The following CNGB3 variants were observed in gnomAD, a reference collection of about 807,000 sequenced individuals.
CNGB3 encodes cyclic nucleotide gated channel subunit beta 3.
CNGB3 carries 86 observed loss-of-function variants against 92.8 expected under a neutral mutation model. The ratio of observed to expected loss-of-function variants is 0.93; its 90% CI spans 0.78 to 1.11. CNGB3 has a LOEUF of 1.11. CNGB3 is among the 50% of genes least tolerant of loss of function. CNGB3 has a pLI of 0.00. For missense variants in CNGB3, 1,026 were observed against 956.8 expected (o/e 1.07, Z -0.95); for synonymous variants, 333 against 332.7 (o/e 1.00, Z -0.01).
intron 7 of CNGB3, among the ~76,000 whole-genome samples, chr8:86,648,936 T>C (rs1823345160): frequency 6.6e-6 from 1 of 151,406 alleles, no homozygotes; most frequent in Non-Finnish European, 1.5e-5. Context: ...CTAGATTTGA[T>C]AAACAAATTC....
intron 6 of CNGB3, chr8:86,661,815 A>C: frequency 1.9e-6 from 3 of 1,557,674 alleles, no homozygotes; most frequent in Non-Finnish European, 1.8e-6. Flanking sequence ...TTGCTGACGA[A>C]GGTAATTGTT....
intron 3 of CNGB3, among the ~76,000 whole-genome samples, chr8:86,688,815 C>T (rs1436275824): frequency 2.6e-5 from 4 of 151,142 alleles, no homozygotes; most frequent in Non-Finnish European, 4.4e-5. Flanking sequence ...TATTTCTGCT[C>T]TGACTATTTG....
intron 2 of CNGB3, among the ~76,000 whole-genome samples, chr8:86,738,796 A>C (rs1357908572): frequency 1.3e-5 from 2 of 148,794 alleles, no homozygotes; most frequent in Admixed American, 1.4e-4. Flanking sequence ...AGCCGAGATT[A>C]CGTCACTGCA....
chr8:86,626,817 G>A (rs1044096634), intron 12 of CNGB3, among the ~76,000 whole-genome samples: 8 of 151,868 alleles, frequency 5.3e-5, no homozygotes, highest in South Asian at 2.1e-4. Context: ...AAAATGTTCC[G>A]TAAACAAAAT....
intron 2 of CNGB3, among the ~76,000 whole-genome samples, chr8:86,727,124 G>A (rs1825073717): frequency 6.6e-6 from 1 of 152,092 alleles, no homozygotes; most frequent in Non-Finnish European, 1.5e-5. Flanking sequence ...TTTGAAATAT[G>A]TTATTATAAT....
rs542621734 is a variant in CNGB3 at position 86,591,066 on chromosome 8, C to A, written c.1782-11814G>T. The stretch of plus-strand genomic sequence containing the variant: ...TTTTATTCTTTTTTCTCTAAACTTT[C>A]CTTCTTGCTTCATTTCATTCATTTC... On this transcript the variant is annotated intron_variant, in intron 15 of 17. Coordinates refer to ENST00000320005, the MANE Select transcript of CNGB3 (RefSeq NM_019098.5). Among the ~76,000 whole-genome samples the A allele has an allele frequency of 7.2e-5, 11 of 152,108 alleles. No individual in the cohort carries two copies. The East Asian group carries it at 2.1e-3, about 29-fold the overall frequency.
At chr8:86,725,612 C>T (rs1238330021) in intron 3 of CNGB3, among the ~76,000 whole-genome samples, 2 of 151,970 alleles carry the variant, frequency 1.3e-5, no homozygotes, top group Non-Finnish European at 2.9e-5. Context: ...TTGTGTTTAT[C>T]GAAAAGGCAT....
At chr8:86,624,574 G>T (rs1822807232) in intron 13 of CNGB3, among the ~76,000 whole-genome samples, 1 of 152,058 alleles carries the variant, frequency 6.6e-6, no homozygotes, top group Non-Finnish European at 1.5e-5. Context: ...CTTCCTTGCA[G>T]TGTGTTTCCA....
intron 3 of CNGB3, among the ~76,000 whole-genome samples, chr8:86,684,495 G>A (rs903723506): frequency 1.3e-5 from 2 of 151,924 alleles, no homozygotes; most frequent in East Asian, 1.9e-4. Context: ...GTACTCCTGG[G>A]TATTTATCCT....
intron 4 of CNGB3, 141 bp downstream of exon 4, chr8:86,670,803 T>C: frequency 1.1e-6 from 1 of 939,144 alleles, no homozygotes; most frequent in Non-Finnish European, 1.7e-6. Flanking sequence ...ACTCGTACCT[T>C]CCTGGATTAC....
intron 13 of CNGB3, among the ~76,000 whole-genome samples, chr8:86,625,207 A>G (rs1380824638): frequency 6.6e-6 from 1 of 152,112 alleles, no homozygotes; most frequent in Non-Finnish European, 1.5e-5. Context: ...TCATGGCGTT[A>G]TCACCTCCAC....
At chr8:86,626,171 G>A (rs1040631239) in intron 12 of CNGB3, 91 bp from the exon 13 acceptor site, 21 of 915,324 alleles carry the variant, frequency 2.3e-5, no homozygotes, top group Non-Finnish European at 3.3e-5. Context: ...TAAAATAAAG[G>A]AAACAAAATG....
intron 3 of CNGB3, among the ~76,000 whole-genome samples, chr8:86,721,326 A>G (rs1283160073): frequency 6.6e-6 from 1 of 152,106 alleles, no homozygotes; most frequent in Non-Finnish European, 1.5e-5. Flanking sequence ...GAAAAACCAA[A>G]CATTGTACAT....
At chr8:86,696,330 A>G (rs1234216609) in intron 3 of CNGB3, among the ~76,000 whole-genome samples, 2 of 151,850 alleles carry the variant, frequency 1.3e-5, no homozygotes, top group Non-Finnish European at 2.9e-5. Flanking sequence ...TAGAAGGGGG[A>G]TATAATCTTG....
At chr8:86,695,689 T>A (rs904088402) in intron 3 of CNGB3, among the ~76,000 whole-genome samples, 1 of 152,196 alleles carries the variant, frequency 6.6e-6, no homozygotes, top group African/African-American at 2.4e-5. Flanking sequence ...TTGGTTTGGA[T>A]CCATTGCTGG....
At chr8:86,652,080 T>C (rs1165073668) in intron 7 of CNGB3, among the ~76,000 whole-genome samples, 2 of 151,968 alleles carry the variant, frequency 1.3e-5, no homozygotes, top group African/African-American at 4.8e-5. Flanking sequence ...CTCTGTATAT[T>C]ACAGTATATT....
intron 15 of CNGB3, among the ~76,000 whole-genome samples, chr8:86,596,643 C>T (rs544682523): frequency 5.3e-5 from 8 of 152,180 alleles, no homozygotes; most frequent in Non-Finnish European, 1.2e-4. Context: ...TAGAACAAAC[C>T]ACACATGGTG....
intron 12 of CNGB3, 84 bp downstream of exon 12, chr8:86,628,835 A>G: frequency 7.0e-7 from 1 of 1,436,124 alleles, no homozygotes; most frequent in Non-Finnish European, 9.8e-7. Flanking sequence ...TTTTGTTCAA[A>G]TCCAACTAGT....
chr8:86,601,306 T>C (rs1000830213), intron 15 of CNGB3, among the ~76,000 whole-genome samples: 1 of 152,134 alleles, frequency 6.6e-6, no homozygotes, highest in African/African-American at 2.4e-5. Flanking sequence ...AATGTACGTG[T>C]AAGGAAAATG....
Sources: gnomAD v4.1 joint callset for allele counts (sites outside exome capture counted in the v4.1 genomes callset) on GRCh38, gnomAD v4.1.1 for gene constraint, MANE v1.5 for transcripts, NCBI Gene and HGNC (gene_info 2026-07-23, HGNC 2026-07-21) for gene names.